The following ZNF710 variants were observed in gnomAD, a reference collection of about 807,000 sequenced individuals.
ZNF710 encodes zinc finger protein 710.
In ZNF710, 13 loss-of-function variants were observed where a neutral mutation model predicts 50.6. That is an observed-to-expected ratio of 0.26 (90% CI 0.17 to 0.41). The LOEUF is 0.41. Ranked by LOEUF, ZNF710 falls within the 10% of genes least tolerant of loss-of-function variation. The pLI, the probability that ZNF710 is intolerant of heterozygous loss-of-function variation, is 1.00. For missense variants in ZNF710, 721 were observed against 936.6 expected, an observed-to-expected ratio of 0.77 and a Z score of 3.01; for synonymous variants, 383 against 397.0, an observed-to-expected ratio of 0.96 and a Z score of 0.42.
At chr15:90,050,384 CGCTTCT>C in intron 1 of ZNF710, among the ~76,000 whole-genome samples, 1 of 152,290 alleles carries the variant, frequency 6.6e-6, no homozygotes, top group East Asian at 1.9e-4. Flanking sequence ...CTACCTCCTG[CGCTTCT>C]GTCCGCTTTC....
chr15:90,026,347 C>T (rs1190891597), intron 1 of ZNF710, among the ~76,000 whole-genome samples: 1 of 150,436 alleles, frequency 6.6e-6, no homozygotes, highest in Non-Finnish European at 1.5e-5. Context: ...AACGTATGCA[C>T]AATCATAGGC....
At chr15:90,075,359 A>G (rs1304789909) in intron 4 of ZNF710, 2 of 152,210 alleles carry the variant, frequency 1.3e-5, no homozygotes, top group Non-Finnish European at 2.9e-5. Flanking sequence ...GGTCTCTACA[A>G]AAATATTTTT....
chr15:90,068,188 C>T lies in ZNF710; in HGVS notation c.1051C>T (p.His351Tyr). Residue 351 changes from histidine (H) to tyrosine (Y), a missense_variant, in exon 2 of 5, where the codon CAC (histidine) becomes TAC (tyrosine). Coordinates refer to ENST00000268154, the MANE Select transcript of ZNF710 (RefSeq NM_198526.4). This position sits in a 1 kb window ranked among gnomAD's most constrained non-coding sequence, Gnocchi z 5.0. ...GCTGACGCACCAGGGCACCCGGCCCCACAAGTGCCAGGTATGCCACAAGGC... is the reference window on the plus strand; with the variant it reads ...GCTGACGCACCAGGGCACCCGGCCCTACAAGTGCCAGGTATGCCACAAGGC... ...HLLTHQGTRP[H>Y]KCQVCHKAFT... 2 of 1,614,078 alleles carry T rather than the reference C, an allele frequency of 1.2e-6. No individual in the cohort carries two copies. Among genetic ancestry groups the T allele is most frequent in the East Asian group, 2.2e-5 (1 of 44,890 alleles).
At chr15:90,032,691 T>C (rs1264446772) in intron 1 of ZNF710, among the ~76,000 whole-genome samples, 2 of 151,054 alleles carry the variant, frequency 1.3e-5, no homozygotes, top group East Asian at 3.9e-4. Flanking sequence ...GGCAGGAGAA[T>C]TGCTTGAACC....
chr15:90,066,474 ATTTTTTTTTTTTTT>A (rs71461840), intron 1 of ZNF710, among the ~76,000 whole-genome samples: 333 of 120,536 alleles, frequency 2.8e-3, no homozygotes, highest in African/African-American at 9.6e-3. Context: ...ATTTTTAAGG[ATTTTTTTTTTTTTT>A]TTTTTTTGAG....
Position 90,082,077 on chromosome 15 carries a change from T to C in ZNF710, c.*2248T>C, listed in dbSNP as rs991589362. The C allele has an allele frequency of 6.6e-6, 1 of 152,276 alleles. No individual in the cohort carries two copies. Among genetic ancestry groups the C allele is most frequent in the African/African-American group, 2.4e-5 (1 of 41,472 alleles). The allele number at this position is 152,276 out of a possible 1,614,324, so 9.4% of individuals were successfully genotyped here. A position where few individuals can be genotyped will look rare whatever the true frequency, so the allele number is the denominator to read the frequency against. On this transcript the variant is annotated 3_prime_UTR_variant, in exon 5 of 5. Coordinates refer to ENST00000268154, the MANE Select transcript of ZNF710 (RefSeq NM_198526.4). ...TTCCATTCTAACTTATTTTGACATG[T>C]ATACAAACCAACTGTTTAGAGATTC...
chr15:90,058,720 CACACATAT>C (rs1262648471), intron 1 of ZNF710, among the ~76,000 whole-genome samples: 14 of 145,776 alleles, frequency 9.6e-5, no homozygotes, highest in African/African-American at 3.2e-4. Flanking sequence ...TATATATATA[CACACATAT>C]ACACACACAC....
intron 1 of ZNF710, among the ~76,000 whole-genome samples, chr15:90,026,709 G>C (rs1231163091): frequency 6.6e-6 from 1 of 152,188 alleles, no homozygotes; most frequent in African/African-American, 2.4e-5. Context: ...CAGGAGGAAA[G>C]AATAGTCAAT....
chr15:90,030,673 A>G (rs1221130759), intron 1 of ZNF710, among the ~76,000 whole-genome samples: 1 of 152,048 alleles, frequency 6.6e-6, no homozygotes, highest in Non-Finnish European at 1.5e-5. Context: ...ACATATGCCC[A>G]GTAGGAAAGA....
At chr15:90,008,210 A>G (rs1016188489) in intron 1 of ZNF710, among the ~76,000 whole-genome samples, 2 of 151,770 alleles carry the variant, frequency 1.3e-5, no homozygotes, top group East Asian at 3.9e-4. Context: ...ATTAATGTGT[A>G]TGGCTCACAG....
chr15:90,076,120 A>T (rs549968518), intron 4 of ZNF710: 1 of 152,350 alleles, frequency 6.6e-6, no homozygotes, highest in Admixed American at 6.5e-5. Flanking sequence ...CCGCTGGTTC[A>T]GGGACCTCAT....
chr15:90,025,797 G>A (rs1359069733), intron 1 of ZNF710: 1 of 152,098 alleles, frequency 6.6e-6, no homozygotes, highest in Non-Finnish European at 1.5e-5. Flanking sequence ...CCAAAATATT[G>A]TAAATTTAAA....
intron 1 of ZNF710, among the ~76,000 whole-genome samples, chr15:90,012,596 A>T (rs1162189262): frequency 1.3e-5 from 2 of 151,790 alleles, no homozygotes; most frequent in Non-Finnish European, 2.9e-5. Context: ...ATCTTTTTTT[A>T]TTCCGGGTGT....
chr15:90,004,778 T>G (rs1198901126), intron 1 of ZNF710, among the ~76,000 whole-genome samples: 7 of 152,238 alleles, frequency 4.6e-5, no homozygotes, highest in African/African-American at 1.7e-4. Flanking sequence ...AATGTAGCTA[T>G]GAGAGCATGA....
At chr15:90,064,551 G>A (rs757365831) in intron 1 of ZNF710, among the ~76,000 whole-genome samples, 120 of 152,244 alleles carry the variant, frequency 7.9e-4, no homozygotes, top group Admixed American at 1.7e-3. Context: ...GCAATGGTGC[G>A]ATCTCTGCTC....
At chr15:90,003,448 C>T (rs1898065049) in intron 1 of ZNF710, among the ~76,000 whole-genome samples, 1 of 152,164 alleles carries the variant, frequency 6.6e-6, no homozygotes, top group South Asian at 2.1e-4. Context: ...CCCTCTCAGT[C>T]CTGCATTTGT....
rs543996925 is a variant in ZNF710, at chr15:90,067,803, C to T, written c.666C>T (p.His222=). 2.5e-6 allele frequency: 4 copies of T among 1,581,684 alleles called. No homozygotes were observed. The Admixed American group carries it at 5.2e-5, about 20-fold the overall frequency. The change falls in exon 2 of 5, where the codon CAC becomes CAT. Residue 222 remains histidine (H), a synonymous_variant. Transcript: ENST00000268154. The surrounding 1 kb of genome is among the most constrained non-coding windows in gnomAD (Gnocchi z 8.1). ...LPTECGFEPP[H]LAPLSDPEAP... is the part of the protein sequence containing the mutation. ...CAGAGTGTGGGTTCGAGCCACCCCA[C>T]CTGGCCCCCCTGAGTGACCCCGAGG...
intron 1 of ZNF710, among the ~76,000 whole-genome samples, chr15:90,014,664 T>A (rs1011366672): frequency 1.3e-5 from 2 of 152,060 alleles, no homozygotes; most frequent in Admixed American, 6.6e-5. Flanking sequence ...GAAAGTACTT[T>A]CTAAGAATGA....
chr15:90,071,676 ACT>A lies in ZNF710; in HGVS notation c.1459-1392_1459-1391del, dbSNP rs1491184789. ...AAATTTCTTTTATTTATTTATTTTT[ACT>A]CTTTTTTTTTTTTTTTTTGAGACGG... On this transcript the variant is annotated intron_variant, in intron 2 of 4. Transcript: ENST00000268154. 4.6e-3 allele frequency among the ~76,000 whole-genome samples: 614 copies of A among 133,750 alleles called. 24 individuals carry two copies. Among genetic ancestry groups the A allele is most frequent in the African/African-American group, 0.014 (486 of 35,484 alleles). 87.7% of individuals were successfully genotyped at this position (133,750 alleles called of 152,430 possible). A position where few individuals can be genotyped will look rare whatever the true frequency, so the allele number is the denominator to read the frequency against.
Sources: gnomAD v4.1 joint callset for allele counts (sites outside exome capture counted in the v4.1 genomes callset) on GRCh38, gnomAD v4.1.1 for gene constraint, Gnocchi (gnomAD v3.1) non-coding constraint, MANE v1.5 for transcripts, NCBI Gene and HGNC (gene_info 2026-07-23, HGNC 2026-07-21) for gene names.